Variants in ZBTB40 observed in about 807,000 individuals in gnomAD.
ZBTB40 encodes the protein zinc finger and BTB domain containing 40, also known as zinc finger and BTB domain-containing protein 40.
Under a neutral mutation model 117.5 loss-of-function variants are expected in ZBTB40, and 60 were observed. The observed-to-expected ratio is 0.51, with a 90% CI of 0.41 to 0.63. The LOEUF is 0.63. ZBTB40 is among the 30% of genes least tolerant of loss of function. The pLI is 0.00. For missense variants in ZBTB40, 1,287 were observed against 1,498.5 expected (o/e 0.86, Z 2.33); for synonymous variants, 525 against 577.1 (o/e 0.91, Z 1.29).
chr1:22,456,579 A>G (rs770599978), intron 1 of ZBTB40, among the ~76,000 whole-genome samples: 7 of 152,202 alleles, frequency 4.6e-5, no homozygotes, highest in Non-Finnish European at 8.8e-5. Context: ...AGAACCAACA[A>G]TGAAACATCA....
At chr1:22,494,636 TCTGTGCTGGCAC>T (rs1471599633) in intron 3 of ZBTB40, among the ~76,000 whole-genome samples, 1 of 152,228 alleles carries the variant, frequency 6.6e-6, no homozygotes, top group Non-Finnish European at 1.5e-5. Flanking sequence ...TGTCATAATG[TCTGTGCTGGCAC>T]CTTTCAGTGG....
intron 9 of ZBTB40, 96 bp from the exon 10 acceptor site, chr1:22,511,083 C>T (rs1639217544): frequency 6.7e-7 from 1 of 1,487,618 alleles, no homozygotes; most frequent in African/African-American, 1.4e-5. Flanking sequence ...CAGTGCCTTC[C>T]TGGGATTAGC....
At chr1:22,430,540 C>T (rs972677353) in intron 1 of ZBTB40, among the ~76,000 whole-genome samples, 3 of 152,104 alleles carry the variant, frequency 2.0e-5, no homozygotes, top group Non-Finnish European at 2.9e-5. Flanking sequence ...GCAGCAATCA[C>T]GGCTCACTGC....
chr1:22,507,891 C>G, intron 6 of ZBTB40, 110 bp from the exon 7 acceptor site: 2 of 1,533,878 alleles, frequency 1.3e-6, no homozygotes, highest in Non-Finnish European at 1.8e-6. Flanking sequence ...GCAGAGGACA[C>G]TGAGCCCTTG....
rs143370961 is a variant in ZBTB40 at position 22,506,957 on chromosome 1, T to C, written c.1360+716T>C. 3.9e-3 allele frequency among the ~76,000 whole-genome samples: 594 copies of C among 152,332 alleles called. 6 individuals carry two copies. The highest frequency in any genetic ancestry group is 0.033 in the South Asian group (157 of 4,824). On this transcript the variant is annotated intron_variant, in intron 6 of 17. Coordinates refer to ENST00000375647, the MANE Select transcript of ZBTB40 (RefSeq NM_014870.4). ...GAGATACTTTCATATTGTATAATTTTATGGTTTCCCCATGTAACATTGCAG... is the reference window on the plus strand; with the variant it reads ...GAGATACTTTCATATTGTATAATTTCATGGTTTCCCCATGTAACATTGCAG...
At chr1:22,512,502 T>G (rs1036828993) in intron 11 of ZBTB40, among the ~76,000 whole-genome samples, 3 of 152,252 alleles carry the variant, frequency 2.0e-5, no homozygotes, top group Admixed American at 6.5e-5. Flanking sequence ...TGTTTCCATG[T>G]GCCACTTGTT....
chr1:22,487,861 C>T (rs4655068), intron 1 of ZBTB40, among the ~76,000 whole-genome samples: 51,110 of 151,842 alleles, frequency 0.34, 9,901 homozygotes, highest in African/African-American at 0.5. Context: ...CTATATATCC[C>T]TCTGTGGCCA....
chr1:22,482,922 C>G (rs1185099861), intron 1 of ZBTB40, among the ~76,000 whole-genome samples: 1 of 151,788 alleles, frequency 6.6e-6, no homozygotes, highest in Non-Finnish European at 1.5e-5. Flanking sequence ...ACTAAAAATA[C>G]AAAAAAATTA....
rs1413826579 is a variant in ZBTB40, at chr1:22,526,823, A to G, written c.*427A>G. On this transcript the variant is annotated 3_prime_UTR_variant, in exon 18 of 18. Transcript: ENST00000375647. Reference sequence around the variant, plus strand: ...ACTTGGCCCACAGTGGGGGCTGCAAATGCTGCCACTGCCTCTGGCCATTTA... The same window carrying G: ...ACTTGGCCCACAGTGGGGGCTGCAAGTGCTGCCACTGCCTCTGGCCATTTA... 7.1e-6 allele frequency: 2 copies of G among 283,414 alleles called. No homozygotes were observed. Among genetic ancestry groups the G allele is most frequent in the African/African-American group, 4.4e-5 (2 of 45,616 alleles). The allele number at this position is 283,414 out of a possible 1,614,324, so 17.6% of individuals were successfully genotyped here.
upstream of ZBTB40, among the ~76,000 whole-genome samples, chr1:22,449,230 A>T (rs533132532): frequency 1.3e-3 from 200 of 152,216 alleles, 1 homozygote; most frequent in African/African-American, 4.5e-3. Flanking sequence ...GGCATCTTAC[A>T]CTGGGTGGTG....
At chr1:22,500,180 G>A (rs1293626833) in intron 3 of ZBTB40, among the ~76,000 whole-genome samples, 3 of 152,098 alleles carry the variant, frequency 2.0e-5, no homozygotes, top group South Asian at 2.1e-4. Context: ...GACCTTCCTC[G>A]CATTTGCGTG....
chr1:22,430,806 GTTAA>G (rs1164943248), intron 1 of ZBTB40, among the ~76,000 whole-genome samples: 1 of 152,022 alleles, frequency 6.6e-6, no homozygotes, highest in Admixed American at 6.6e-5. Context: ...TACCCCATGG[GTTAA>G]TTAGAGATAT....
intron 1 of ZBTB40, among the ~76,000 whole-genome samples, chr1:22,475,428 T>C (rs1268623134): frequency 6.6e-6 from 1 of 152,220 alleles, no homozygotes; most frequent in East Asian, 1.9e-4. Context: ...CAGTTACTTA[T>C]CAGGTGCCTT....
chr1:22,517,295 T>C lies in ZBTB40; in HGVS notation c.2669-5T>C. ...TGACTCTAATAAGCTCCTGTGTATT[T>C]GCAGGGAAAATGTATGCATGCCAGT... On this transcript the variant is annotated splice_region_variant and splice_polypyrimidine_tract_variant and intron_variant, in intron 12 of 17. Coordinates refer to ENST00000375647, the MANE Select transcript of ZBTB40 (RefSeq NM_014870.4). 1 of 1,614,054 alleles carries C rather than the reference T, an allele frequency of 6.2e-7. No homozygotes were observed. Among genetic ancestry groups the C allele is most frequent in the Non-Finnish European group, 8.5e-7 (1 of 1,180,046 alleles).
At chr1:22,487,328 CA>C (rs1460663439) in intron 1 of ZBTB40, among the ~76,000 whole-genome samples, 4 of 152,152 alleles carry the variant, frequency 2.6e-5, no homozygotes, top group African/African-American at 4.8e-5. Context: ...AATCCTCTAA[CA>C]AAAGCAATTA....
chr1:22,429,438 A>C (rs1483476285), intron 1 of ZBTB40, among the ~76,000 whole-genome samples: 1 of 149,702 alleles, frequency 6.7e-6, no homozygotes, highest in African/African-American at 2.5e-5. Context: ...ATTTGCCTAC[A>C]TTTTTTTTTT....
At position 22,486,062 on chromosome 1, in the gene ZBTB40, G is replaced by T. The variant is rs114237182; in HGVS notation, c.-69-3818G>T. Among the ~76,000 whole-genome samples, 1,356 of 152,004 alleles carry T rather than the reference G, an allele frequency of 8.9e-3. 10 individuals carry two copies. The highest frequency in any genetic ancestry group is 0.031 in the African/African-American group (1,286 of 41,492). Reference sequence around the variant, plus strand: ...ATATCTGAGTCTGGTTTTGAAGTTTGCTCTGTCTCTCCAAACTGTTTTTGG... The same window carrying T: ...ATATCTGAGTCTGGTTTTGAAGTTTTCTCTGTCTCTCCAAACTGTTTTTGG... On this transcript the variant is annotated intron_variant, in intron 1 of 17. Transcript: ENST00000375647.
Position 22,493,984 on chromosome 1 carries a change from G to A in ZBTB40, c.831+2451G>A, listed in dbSNP as rs562909344. Among the ~76,000 whole-genome samples, 191 of 151,972 alleles carry A rather than the reference G, an allele frequency of 1.3e-3. No individual in the cohort carries two copies. In the South Asian group the frequency reaches 0.019, roughly 15 times the overall value. On this transcript the variant is annotated intron_variant, in intron 3 of 17. Coordinates refer to ENST00000375647, the MANE Select transcript of ZBTB40 (RefSeq NM_014870.4). ...CATCTTTATAAGCCTCAGTGTCCTC[G>A]TTTGTAAAAAGGGGATACTATCACC... is the stretch of plus-strand genomic sequence containing the variant.
intron 1 of ZBTB40, among the ~76,000 whole-genome samples, chr1:22,467,441 C>T (rs1569788382): frequency 6.6e-6 from 1 of 152,104 alleles, no homozygotes. Flanking sequence ...GTACCTAGCC[C>T]ATTGCTCCCT....
Sources: allele counts gnomAD v4.1 joint callset (sites outside exome capture counted in the v4.1 genomes callset), GRCh38; gene constraint gnomAD v4.1.1; transcripts MANE v1.5; gene names NCBI Gene and HGNC (gene_info 2026-07-23, HGNC 2026-07-21).